The following OSBP2 variants were observed in gnomAD, a reference collection of about 807,000 sequenced individuals.
The protein encoded by OSBP2 is oxysterol-binding protein 2.
Under a neutral mutation model 96.0 loss-of-function variants are expected in OSBP2, and 66 were observed. That is an observed-to-expected ratio of 0.69 (90% CI 0.56 to 0.84). The LOEUF (loss-of-function observed/expected upper bound fraction) is 0.84. Ranked by LOEUF, OSBP2 falls within the 40% of genes least tolerant of loss-of-function variation. OSBP2 has a pLI of 0.00. For synonymous variants in OSBP2, 525 were observed against 520.9 expected (o/e 1.01, Z -0.11); for missense variants, 1,038 against 1,222.7 (o/e 0.85, Z 2.25).
chr22:30,891,533 G>T (rs2039947782), intron 8 of OSBP2, among the ~76,000 whole-genome samples: 1 of 152,224 alleles, frequency 6.6e-6, no homozygotes, highest in Non-Finnish European at 1.5e-5. Context: ...CTCCTGGCAT[G>T]AGTGTGGGAT....
At chr22:30,813,145 A>G (rs1335169496) in intron 2 of OSBP2, among the ~76,000 whole-genome samples, 4 of 137,356 alleles carry the variant, frequency 2.9e-5, no homozygotes, top group Non-Finnish European at 4.7e-5. Context: ...GGGAAAATGG[A>G]GCCTGGAGGC....
rs1385173581 is a variant in OSBP2 at position 30,730,803 on chromosome 22, TATATA to T, written c.645-10355_645-10351del. On this transcript the variant is annotated intron_variant, in intron 1 of 13. Transcript: ENST00000332585. Reference sequence around the variant, plus strand: ...ATATATATATATATATATATATATATATATAATTTTTTTTTTTTTTCCCATGGACA... The same window carrying T: ...ATATATATATATATATATATATATATATTTTTTTTTTTTTTCCCATGGACA... 9.8e-4 allele frequency among the ~76,000 whole-genome samples: 52 copies of T among 53,160 alleles called. 6 individuals are homozygous for T. Among genetic ancestry groups the T allele is most frequent in the Admixed American group, 9.5e-4 (4 of 4,226 alleles). 34.9% of individuals were successfully genotyped at this position (53,160 alleles called of 152,430 possible).
chr22:30,872,266 T>G, intron 3 of OSBP2: 1 of 456,680 alleles, frequency 2.2e-6, no homozygotes, highest in Non-Finnish European at 4.4e-6. Flanking sequence ...TGTGAAGCAC[T>G]GAATGACATA....
chr22:30,878,281 T>C (rs909882882), intron 3 of OSBP2, among the ~76,000 whole-genome samples: 2 of 152,248 alleles, frequency 1.3e-5, no homozygotes, highest in Non-Finnish European at 2.9e-5. Context: ...CTCTGCTGTT[T>C]GGAGAATGCG....
chr22:30,717,308 T>G (rs185788258), intron 1 of OSBP2, among the ~76,000 whole-genome samples: 1 of 152,266 alleles, frequency 6.6e-6, no homozygotes, highest in Non-Finnish European at 1.5e-5. Context: ...AGGGTCTAAC[T>G]TCATTCTTTT....
intron 1 of OSBP2, among the ~76,000 whole-genome samples, chr22:30,733,402 G>T (rs573510692): frequency 4.7e-4 from 71 of 152,314 alleles, no homozygotes; most frequent in Admixed American, 1.7e-3. Flanking sequence ...CTGCAGGGGG[G>T]ATAAATGAAG....
intron 2 of OSBP2, among the ~76,000 whole-genome samples, chr22:30,836,773 GA>G (rs1440804213): frequency 2.6e-5 from 4 of 152,144 alleles, no homozygotes; most frequent in African/African-American, 7.2e-5. Context: ...AGAGACTCCA[GA>G]AGCCCCAAGA....
chr22:30,809,507 G>T (rs963322959), intron 2 of OSBP2, among the ~76,000 whole-genome samples: 2 of 152,190 alleles, frequency 1.3e-5, no homozygotes, highest in African/African-American at 4.8e-5. Context: ...ACCAGGGAGC[G>T]AAAGCCAGGC....
At chr22:30,703,981 A>T (rs1367326906) in intron 1 of OSBP2, among the ~76,000 whole-genome samples, 4 of 152,190 alleles carry the variant, frequency 2.6e-5, no homozygotes, top group Non-Finnish European at 5.9e-5. Flanking sequence ...TGATCTTGCC[A>T]TCCTGTTACA....
intron 2 of OSBP2, among the ~76,000 whole-genome samples, chr22:30,832,557 T>C (rs903078645): frequency 1.3e-5 from 2 of 152,190 alleles, no homozygotes; most frequent in Non-Finnish European, 2.9e-5. Context: ...TTCCAAATGC[T>C]GGCAGGAGCT....
At chr22:30,702,147 A>G (rs565289966) in intron 1 of OSBP2, among the ~76,000 whole-genome samples, 3 of 152,154 alleles carry the variant, frequency 2.0e-5, no homozygotes, top group South Asian at 4.2e-4. Context: ...TCCTGCCTGT[A>G]TATCTCCTCT....
At chr22:30,807,135 G>T (rs770681297) in intron 2 of OSBP2, among the ~76,000 whole-genome samples, 1 of 152,134 alleles carries the variant, frequency 6.6e-6, no homozygotes, top group Non-Finnish European at 1.5e-5. Flanking sequence ...TCATGATGCT[G>T]AACCTTGCGC....
chr22:30,805,636 A>C (rs2090918943), intron 2 of OSBP2, among the ~76,000 whole-genome samples: 1 of 152,168 alleles, frequency 6.6e-6, no homozygotes, highest in Non-Finnish European at 1.5e-5. Context: ...AAGGAACATG[A>C]GTGTGTGTAG....
In OSBP2 at chr22:30,893,509, G is replaced by A; in HGVS notation, c.2037G>A (p.Trp679Ter). 1.2e-6 allele frequency: 2 copies of A among 1,614,200 alleles called. No individual in the cohort carries two copies. Among genetic ancestry groups the A allele is most frequent in the Non-Finnish European group, 1.7e-6 (2 of 1,180,032 alleles). The part of the protein sequence containing the change: ...EFQASGNHYV[W>*]RKSTSTVHNI... ...AGGCCAGTGGGAATCACTACGTGTG[G>A]AGGAAGAGCACCTCAACTGTTCACA... The change falls in exon 10 of 14, where the codon TGG becomes TGA. Residue 679 changes from tryptophan (W) to a stop codon, truncating the protein, a stop_gained. Coordinates refer to ENST00000332585, the MANE Select transcript of OSBP2 (RefSeq NM_030758.4). LOFTEE classifies it high-confidence loss of function.
intron 1 of OSBP2, among the ~76,000 whole-genome samples, chr22:30,715,227 C>G (rs1018662712): frequency 6.6e-6 from 1 of 152,036 alleles, no homozygotes; most frequent in Non-Finnish European, 1.5e-5. Flanking sequence ...TCCAGTTTCT[C>G]TACGTCCTTG....
intron 1 of OSBP2, among the ~76,000 whole-genome samples, chr22:30,721,574 A>G (rs1252519584): frequency 6.6e-6 from 1 of 152,200 alleles, no homozygotes; most frequent in East Asian, 1.9e-4. Context: ...GTGTTTCGAC[A>G]GGAGTTTACC....
At chr22:30,741,799 A>T (rs2089940806) in intron 2 of OSBP2, among the ~76,000 whole-genome samples, 1 of 151,900 alleles carries the variant, frequency 6.6e-6, no homozygotes. Flanking sequence ...CCTGAGCAAG[A>T]CATTTTGTTT....
intron 2 of OSBP2, among the ~76,000 whole-genome samples, chr22:30,775,940 A>C (rs136317): frequency 0.68 from 102,388 of 151,088 alleles, 35,303 homozygotes; most frequent in African/African-American, 0.81. Flanking sequence ...GGACTATAGG[A>C]AGGCACCACC....
intron 2 of OSBP2, among the ~76,000 whole-genome samples, chr22:30,783,302 CT>C (rs35470453): frequency 7.0e-3 from 244 of 34,664 alleles, no homozygotes; most frequent in African/African-American, 0.028. Flanking sequence ...ATTCAGAGAG[CT>C]TTTTTTTTTT....
Sources: gnomAD v4.1 joint callset for allele counts (sites outside exome capture counted in the v4.1 genomes callset) on GRCh38, gnomAD v4.1.1 for gene constraint, MANE v1.5 for transcripts, NCBI Gene and HGNC (gene_info 2026-07-23, HGNC 2026-07-21) for gene names.